Variants in PPP4R4 observed in about 807,000 individuals in gnomAD.
PPP4R4 encodes the protein protein phosphatase 4 regulatory subunit 4.
Under a neutral mutation model 121.8 loss-of-function variants are expected in PPP4R4, and 70 were observed. That is an observed-to-expected ratio of 0.57 (90% CI 0.47 to 0.70). The LOEUF (loss-of-function observed/expected upper bound fraction) is 0.70. Ranked by LOEUF, PPP4R4 falls within the 30% of genes least tolerant of loss-of-function variation. The probability of loss-of-function intolerance (pLI) is 0.00; values close to 1 mark genes in which losing one functional copy is unlikely to be tolerated. For missense variants in PPP4R4, 875 were observed against 1,033.6 expected (o/e 0.85, Z 2.10); for synonymous variants, 348 against 355.7 (o/e 0.98, Z 0.24).
intron 17 of PPP4R4, among the ~76,000 whole-genome samples, chr14:94,257,631 G>A (rs1228321141): frequency 9.4e-6 from 1 of 106,626 alleles, no homozygotes; most frequent in Non-Finnish European, 1.8e-5. Flanking sequence ...AGTTGCACAT[G>A]CATTTAAATC....
At chr14:94,205,252 T>G (rs1890399079) in intron 2 of PPP4R4, among the ~76,000 whole-genome samples, 1 of 152,156 alleles carries the variant, frequency 6.6e-6, no homozygotes, top group South Asian at 2.1e-4. Flanking sequence ...AGATTATCTC[T>G]TTCATATTGG....
At chr14:94,265,004 G>A in intron 20 of PPP4R4, 57 bp downstream of exon 20, 1 of 1,285,952 alleles carries the variant, frequency 7.8e-7, no homozygotes, top group South Asian at 1.3e-5. Flanking sequence ...TTGCATCCTG[G>A]TATTCTGAAA....
intron 5 of PPP4R4, among the ~76,000 whole-genome samples, chr14:94,232,101 T>TTAA (rs1892070589): frequency 6.6e-6 from 1 of 152,192 alleles, no homozygotes. Flanking sequence ...TCCCAGCATG[T>TTAA]TGTTTGCCTA....
chr14:94,264,910 T>C lies in PPP4R4; in HGVS notation c.2160T>C (p.Asp720=). 1 of 1,605,946 alleles carries C rather than the reference T, an allele frequency of 6.2e-7. No homozygotes were observed. The highest frequency in any genetic ancestry group is 8.5e-7 in the Non-Finnish European group (1 of 1,177,560). The change falls in exon 20 of 25, where the codon GAT becomes GAC. Residue 720 remains aspartate (D), a synonymous_variant. Transcript: ENST00000304338. ...TAGAGAAAGAAAAGCAACAGAATGA[T>C]GGAAGGCCCATGAGTGATAAAATGT... ...EQLEKEKQQN[D]GRPMSDKMFE... is the part of the protein sequence containing the mutation.
At chr14:94,214,085 C>A (rs1389714697) in intron 3 of PPP4R4, among the ~76,000 whole-genome samples, 1 of 152,088 alleles carries the variant, frequency 6.6e-6, no homozygotes, top group South Asian at 2.1e-4. Flanking sequence ...TAGTGCCTGG[C>A]AGATAATAGG....
At chr14:94,192,181 C>T (rs1288439229) in intron 2 of PPP4R4, among the ~76,000 whole-genome samples, 4 of 152,062 alleles carry the variant, frequency 2.6e-5, no homozygotes, top group Admixed American at 2.0e-4. Context: ...AGACTATAAT[C>T]AGGTTTGAAT....
At chr14:94,227,858 T>C in intron 3 of PPP4R4, 1 of 986,616 alleles carries the variant, frequency 1.0e-6, no homozygotes, top group Non-Finnish European at 1.2e-6. Context: ...CTGTAAGTGA[T>C]GTATACTGGC....
chr14:94,259,400 C>G, intron 19 of PPP4R4, 31 bp downstream of exon 19: 2 of 1,527,242 alleles, frequency 1.3e-6, no homozygotes, highest in Non-Finnish European at 1.8e-6. Context: ...CACACATATA[C>G]TCTTTTCTGA....
chr14:94,250,375 A>G, intron 15 of PPP4R4, 98 bp downstream of exon 15: 1 of 764,858 alleles, frequency 1.3e-6, no homozygotes. Context: ...GTGAATAATT[A>G]GGTTACTATT....
rs5810664 is a variant in PPP4R4 at position 94,243,975 on chromosome 14, AT to A, written c.1267-650del. On this transcript the variant is annotated intron_variant, in intron 11 of 24. Coordinates refer to ENST00000304338, the MANE Select transcript of PPP4R4 (RefSeq NM_058237.2). ...AAAACACTTTCTTTATCCAGGGACC[AT>A]TTTTTTTTTCAAATAAAACTTTATT... Among the ~76,000 whole-genome samples the A allele has an allele frequency of 1.3e-4, 20 of 149,630 alleles. No individual in the cohort carries two copies. In the South Asian group the frequency reaches 3.6e-3, roughly 27 times the overall value.
At position 94,242,398 on chromosome 14, in the gene PPP4R4, G is replaced by A. The variant is rs1398041034; in HGVS notation, c.1256G>A (p.Cys419Tyr). 5 of 1,608,910 alleles carry A rather than the reference G, an allele frequency of 3.1e-6. No individual in the cohort carries two copies. Among genetic ancestry groups the A allele is most frequent in the Admixed American group, 3.3e-5 (2 of 59,906 alleles). Reference sequence around the variant, plus strand: ...CCAGTCAGATACACTATTGCTATTTGCTTTTATGAAGTAAGTCTGAAGACT... The same window carrying A: ...CCAGTCAGATACACTATTGCTATTTACTTTTATGAAGTAAGTCTGAAGACT... ...EVPVRYTIAICFYEVSKLLNS... is the reference protein window; with the variant it reads ...EVPVRYTIAIYFYEVSKLLNS... The change falls in exon 11 of 25, where the codon TGC becomes TAC. Residue 419 changes from cysteine (C) to tyrosine (Y), a missense_variant. Physicochemically the swap from Cys to Tyr is radical, Grantham distance 194. Transcript: ENST00000304338.
At chr14:94,192,710 T>C (rs1308075588) in intron 2 of PPP4R4, among the ~76,000 whole-genome samples, 1 of 152,166 alleles carries the variant, frequency 6.6e-6, no homozygotes, top group Non-Finnish European at 1.5e-5. Flanking sequence ...TTCTCAGATA[T>C]AGTACTGACT....
At chr14:94,185,287 G>A (rs530173572) in intron 2 of PPP4R4, among the ~76,000 whole-genome samples, 34 of 152,302 alleles carry the variant, frequency 2.2e-4, no homozygotes, top group African/African-American at 7.9e-4. Flanking sequence ...AGGAAGATCA[G>A]TTGAGCCCAG....
intron 24 of PPP4R4, among the ~76,000 whole-genome samples, chr14:94,276,406 A>G (rs1025185630): frequency 6.6e-6 from 1 of 152,330 alleles, no homozygotes; most frequent in African/African-American, 2.4e-5. Flanking sequence ...TTATGAAGCA[A>G]AGAGGTTTAA....
At chr14:94,199,800 G>T (rs548597734) in intron 2 of PPP4R4, among the ~76,000 whole-genome samples, 3 of 152,136 alleles carry the variant, frequency 2.0e-5, no homozygotes, top group African/African-American at 4.8e-5. Flanking sequence ...ATGCGGATGC[G>T]CTCCTCTTGA....
In PPP4R4 at chr14:94,174,551, T is replaced by A. The variant is rs1888552641; in HGVS notation, c.86T>A (p.Ile29Asn). 6 of 1,612,104 alleles carry A rather than the reference T, an allele frequency of 3.7e-6. No homozygotes were observed. The highest frequency in any genetic ancestry group is 5.1e-6 in the Non-Finnish European group (6 of 1,179,112). Residue 29 changes from isoleucine to asparagine, a missense_variant, in exon 1 of 25, where the codon ATC becomes AAC. Physicochemically the swap from Ile to Asn is moderately radical, Grantham distance 149. Transcript: ENST00000304338. ...GYMEDLQELTIIERPVRRSLK... is the reference protein window; with the variant it reads ...GYMEDLQELTNIERPVRRSLK... ...ATGGAGGACCTGCAGGAGCTCACCA[T>A]CATCGAGAGGCCGGTCCGCCGGAGC... is the stretch of plus-strand genomic sequence containing the variant.
At chr14:94,176,569 ATTAC>A (rs1486571979) in intron 2 of PPP4R4, among the ~76,000 whole-genome samples, 1 of 152,150 alleles carries the variant, frequency 6.6e-6, no homozygotes, top group African/African-American at 2.4e-5. Context: ...TCCTGTTTGT[ATTAC>A]TTTTGCCGTG....
intron 4 of PPP4R4, 62 bp from the exon 5 acceptor site, chr14:94,231,180 T>G: frequency 2.3e-6 from 3 of 1,297,250 alleles, no homozygotes; most frequent in Non-Finnish European, 2.2e-6. Flanking sequence ...TATTAATGGC[T>G]GAGTTGAAAC....
intron 2 of PPP4R4, among the ~76,000 whole-genome samples, chr14:94,198,390 T>C (rs1051542256): frequency 6.6e-6 from 1 of 152,216 alleles, no homozygotes; most frequent in Non-Finnish European, 1.5e-5. Context: ...TTCTTACTCT[T>C]GTAGTTAAGA....
Sources: gnomAD v4.1 joint callset for allele counts (sites outside exome capture counted in the v4.1 genomes callset) on GRCh38, gnomAD v4.1.1 for gene constraint, MANE v1.5 for transcripts, NCBI Gene and HGNC (gene_info 2026-07-23, HGNC 2026-07-21) for gene names.